The following ATP6V0A4 variants were observed in gnomAD, a reference collection of about 807,000 sequenced individuals.
The protein encoded by ATP6V0A4 is ATPase H+ transporting V0 subunit a4.
Under a neutral mutation model 107.3 loss-of-function variants are expected in ATP6V0A4, and 86 were observed. The ratio of observed to expected loss-of-function variants is 0.80; its 90% CI spans 0.67 to 0.96. ATP6V0A4 has a LOEUF of 0.96. ATP6V0A4 is among the 40% of genes least tolerant of loss of function. The probability of loss-of-function intolerance (pLI) is 0.00; values close to 1 mark genes in which losing one functional copy is unlikely to be tolerated. For missense variants in ATP6V0A4, 908 were observed against 1,045.6 expected, an observed-to-expected ratio of 0.87 and a Z score of 1.81; for synonymous variants, 353 against 381.4, an observed-to-expected ratio of 0.93 and a Z score of 0.87.
chr7:138,761,051 G>A (rs948314422), intron 7 of ATP6V0A4, among the ~76,000 whole-genome samples: 2 of 151,886 alleles, frequency 1.3e-5, no homozygotes, highest in African/African-American at 2.4e-5. Context: ...GGCCTCAAGT[G>A]ATCCTCCTGC....
chr7:138,762,566 C>G, intron 6 of ATP6V0A4, 132 bp from the exon 7 acceptor site: 1 of 1,493,116 alleles, frequency 6.7e-7, no homozygotes, highest in Non-Finnish European at 9.0e-7. Flanking sequence ...AGTCAGAAAA[C>G]AGAGTGCTCC....
At chr7:138,737,751 T>C (rs1157846996) in intron 15 of ATP6V0A4, among the ~76,000 whole-genome samples, 1 of 141,962 alleles carries the variant, frequency 7.0e-6, no homozygotes, top group Non-Finnish European at 1.5e-5. Context: ...CTGGCTAATT[T>C]TGGTATTTTT....
intron 7 of ATP6V0A4, among the ~76,000 whole-genome samples, chr7:138,761,127 C>A (rs1456615241): frequency 6.6e-6 from 1 of 152,082 alleles, no homozygotes; most frequent in Admixed American, 6.6e-5. Flanking sequence ...TTTCTAATTA[C>A]ATTTAAAAAT....
intron 5 of ATP6V0A4, among the ~76,000 whole-genome samples, chr7:138,764,230 A>C (rs1008695465): frequency 7.9e-5 from 12 of 151,970 alleles, no homozygotes; most frequent in African/African-American, 2.9e-4. Context: ...AAGAGGGGAA[A>C]GGAGATGGAG....
At chr7:138,768,681 C>A (rs1400892073) in intron 5 of ATP6V0A4, 99 bp downstream of exon 5, 9 of 1,432,884 alleles carry the variant, frequency 6.3e-6, no homozygotes, top group Non-Finnish European at 8.6e-6. Context: ...TGCCTTCAAG[C>A]AAACAGGTAC....
chr7:138,786,010 G>A (rs539885195), intron 2 of ATP6V0A4, 148 bp downstream of exon 2: 3 of 152,426 alleles, frequency 2.0e-5, no homozygotes, highest in Non-Finnish European at 2.9e-5. Flanking sequence ...AGGACACTGA[G>A]CCCTCCCAGT....
At chr7:138,710,272 A>C in intron 20 of ATP6V0A4, among the ~76,000 whole-genome samples, 1 of 148,096 alleles carries the variant, frequency 6.8e-6, no homozygotes. Flanking sequence ...GCTCACTGCA[A>C]CCTCTACCTC....
At chr7:138,719,918 G>A (rs1388098623) in intron 19 of ATP6V0A4, among the ~76,000 whole-genome samples, 3 of 152,032 alleles carry the variant, frequency 2.0e-5, no homozygotes, top group African/African-American at 4.8e-5. Flanking sequence ...CCAGCTACTC[G>A]GGAGGCTGAG....
intron 10 of ATP6V0A4, 184 bp from the exon 11 acceptor site, chr7:138,753,021 C>A (rs1361615410): frequency 1.7e-6 from 1 of 575,212 alleles, no homozygotes; most frequent in Middle Eastern, 8.8e-4. Context: ...AGGCTAAAAC[C>A]CTTAGGCAGA....
chr7:138,724,746 C>T (rs954989589), intron 18 of ATP6V0A4, among the ~76,000 whole-genome samples: 2 of 152,152 alleles, frequency 1.3e-5, no homozygotes, highest in South Asian at 2.1e-4. Flanking sequence ...TACGGTTTCT[C>T]CATTTCCAAC....
At chr7:138,744,671 T>C (rs1805819472) in intron 14 of ATP6V0A4, among the ~76,000 whole-genome samples, 1 of 151,914 alleles carries the variant, frequency 6.6e-6, no homozygotes, top group South Asian at 2.1e-4. Flanking sequence ...TAGCTAGGAC[T>C]AAAGGCGTGC....
At chr7:138,716,910 A>T (rs1464365713) in intron 19 of ATP6V0A4, among the ~76,000 whole-genome samples, 1 of 152,124 alleles carries the variant, frequency 6.6e-6, no homozygotes, top group Non-Finnish European at 1.5e-5. Flanking sequence ...AGTTGCTCAC[A>T]GCCTAGTCAG....
intron 1 of ATP6V0A4, among the ~76,000 whole-genome samples, chr7:138,790,286 G>A (rs1389142547): frequency 6.6e-6 from 1 of 152,062 alleles, no homozygotes; most frequent in Non-Finnish European, 1.5e-5. Flanking sequence ...AATGTTTTTT[G>A]TTGCTGCTGT....
chr7:138,710,859 A>G (rs1803703715), intron 20 of ATP6V0A4, among the ~76,000 whole-genome samples: 1 of 152,150 alleles, frequency 6.6e-6, no homozygotes, highest in Admixed American at 6.6e-5. Context: ...GTTTCAGGGG[A>G]TTTACAGAAA....
At chr7:138,762,855 G>T (rs745357860) in intron 6 of ATP6V0A4, 45 bp downstream of exon 6, 5 of 1,601,526 alleles carry the variant, frequency 3.1e-6, no homozygotes, top group Admixed American at 3.3e-5. Flanking sequence ...GAAATTTGAG[G>T]TTCTGAGGAA....
chr7:138,709,140 TG>T (rs1454451496), intron 21 of ATP6V0A4, among the ~76,000 whole-genome samples: 1 of 133,220 alleles, frequency 7.5e-6, no homozygotes, highest in Non-Finnish European at 1.5e-5. Flanking sequence ...ACCCGGTAGG[TG>T]GAGGTTGCAG....
At chr7:138,784,261 T>TAC (rs1808066995) in intron 2 of ATP6V0A4, among the ~76,000 whole-genome samples, 2 of 37,586 alleles carry the variant, frequency 5.3e-5, no homozygotes, top group Admixed American at 4.0e-4. Flanking sequence ...TACATATATA[T>TAC]ATATACATAT....
chr7:138,729,628 C>T (rs1306868855), intron 17 of ATP6V0A4, among the ~76,000 whole-genome samples: 3 of 152,156 alleles, frequency 2.0e-5, no homozygotes, highest in African/African-American at 4.8e-5. Flanking sequence ...ACCCCAGTGA[C>T]CAGTTTAGAG....
At chr7:138,787,482 AGCTTG>A (rs962845718) in intron 1 of ATP6V0A4, among the ~76,000 whole-genome samples, 1 of 152,142 alleles carries the variant, frequency 6.6e-6, no homozygotes, top group African/African-American at 2.4e-5. Flanking sequence ...ACCTAGAGGC[AGCTTG>A]GACAAGAGAA....
Sources: gnomAD v4.1 joint callset for allele counts (sites outside exome capture counted in the v4.1 genomes callset) on GRCh38, gnomAD v4.1.1 for gene constraint, MANE v1.5 for transcripts, NCBI Gene and HGNC (gene_info 2026-07-23, HGNC 2026-07-21) for gene names.